Variants in PDE5A observed in about 807,000 individuals in gnomAD.
PDE5A encodes the protein cGMP-specific 3',5'-cyclic phosphodiesterase.
Under a neutral mutation model 110.2 loss-of-function variants are expected in PDE5A, and 67 were observed. That is an observed-to-expected ratio of 0.61 (90% confidence interval 0.50 to 0.75). The LOEUF (loss-of-function observed/expected upper bound fraction) is 0.75, where lower values mean the gene tolerates loss of function less well. PDE5A is among the 30% of genes least tolerant of loss of function. The probability of loss-of-function intolerance (pLI) is 0.00; values close to 1 mark genes in which losing one functional copy is unlikely to be tolerated. For synonymous variants in PDE5A, 328 were observed against 351.2 expected (o/e 0.93, Z 0.74); for missense variants, 862 against 1,045.1 (o/e 0.82, Z 2.42).
intron 9 of PDE5A, chr4:119,551,938 G>A (rs1578768113): frequency 1.3e-5 from 2 of 152,166 alleles, no homozygotes; most frequent in South Asian, 2.1e-4. Flanking sequence ...CATCAACCAC[G>A]GATGATTGGC....
At chr4:119,513,461 T>C (rs1285150868) in intron 14 of PDE5A, among the ~76,000 whole-genome samples, 1 of 152,138 alleles carries the variant, frequency 6.6e-6, no homozygotes, top group Non-Finnish European at 1.5e-5. Flanking sequence ...CCTGCTTCCT[T>C]CCCAGTTCTG....
chr4:119,564,178 TAATAAA>T (rs1429087058), intron 5 of PDE5A, among the ~76,000 whole-genome samples: 1 of 151,948 alleles, frequency 6.6e-6, no homozygotes, highest in African/African-American at 2.4e-5. Flanking sequence ...ATATTGTAGA[TAATAAA>T]TATAGCTACA....
chr4:119,626,466 T>A (rs1297030687), intron 1 of PDE5A, among the ~76,000 whole-genome samples: 1 of 152,180 alleles, frequency 6.6e-6, no homozygotes, highest in Non-Finnish European at 1.5e-5. Context: ...AACAATAACT[T>A]TTTTTCTTTA....
intron 9 of PDE5A, among the ~76,000 whole-genome samples, chr4:119,544,502 TCC>T (rs1425273146): frequency 3.9e-5 from 6 of 152,160 alleles, no homozygotes; most frequent in Non-Finnish European, 7.4e-5. Context: ...CCTTTGTGAA[TCC>T]CCAAAATATA....
In PDE5A at chr4:119,565,399, A is replaced by G. The variant is rs1371110897; in HGVS notation, c.915T>C (p.Ala305=). The stretch of plus-strand genomic sequence containing the variant: ...GAACAATACCACAAAATGCCAAATA[A>G]GCAGCAAAGTCCTAAAAAACAGATA... ...FTEKDEKDFA[A]YLAFCGIVLH... Residue 305 remains alanine (A), a synonymous_variant, in exon 5 of 21, where the codon GCT becomes GCC. Coordinates refer to ENST00000354960, the MANE Select transcript of PDE5A (RefSeq NM_001083.4). 4 of 1,610,848 alleles carry G rather than the reference A, an allele frequency of 2.5e-6. No homozygotes were observed. The highest frequency in any genetic ancestry group is 1.3e-5 in the African/African-American group (1 of 74,816).
At chr4:119,563,020 T>C (rs1278685725) in intron 5 of PDE5A, 50 bp from the exon 6 acceptor site, 1 of 1,459,972 alleles carries the variant, frequency 6.8e-7, no homozygotes, top group East Asian at 2.3e-5. Context: ...TTGTAATTAT[T>C]AAAGCACAAT....
At chr4:119,531,383 A>T (rs1287196653) in intron 11 of PDE5A, among the ~76,000 whole-genome samples, 1 of 152,050 alleles carries the variant, frequency 6.6e-6, no homozygotes, top group East Asian at 1.9e-4. Context: ...AGTTCAAGTG[A>T]TTCTCCTGCC....
chr4:119,627,232 C>A lies in PDE5A; in HGVS notation c.152+1288G>T, dbSNP rs200374346. 1 of 1,608,110 alleles carries A rather than the reference C, an allele frequency of 6.2e-7. No homozygotes were observed. Among genetic ancestry groups the A allele is most frequent in the Non-Finnish European group, 8.5e-7 (1 of 1,176,898 alleles). On this transcript the variant is annotated intron_variant, in intron 1 of 20. Coordinates refer to ENST00000354960, the MANE Select transcript of PDE5A (RefSeq NM_001083.4). The surrounding 1 kb of genome is among the most constrained non-coding windows in gnomAD (Gnocchi z 4.6). ...GCCGATCCTGGACTCCAGGAGGCTCCGTAGGGGCAACAACGCGCGCAGGTG... is the reference window on the plus strand; with the variant it reads ...GCCGATCCTGGACTCCAGGAGGCTCAGTAGGGGCAACAACGCGCGCAGGTG...
At chr4:119,549,117 T>C (rs969720957) in intron 9 of PDE5A, 3 of 152,114 alleles carry the variant, frequency 2.0e-5, no homozygotes, top group African/African-American at 7.2e-5. Context: ...CCCGAGTAAT[T>C]TATTAAATAA....
chr4:119,609,058 AGG>A (rs757835730), intron 1 of PDE5A, among the ~76,000 whole-genome samples: 3 of 152,032 alleles, frequency 2.0e-5, no homozygotes, highest in Non-Finnish European at 4.4e-5. Context: ...GCTACTTGGG[AGG>A]CTGAGGCAGG....
chr4:119,581,958 C>CT (rs1232795549), intron 3 of PDE5A, among the ~76,000 whole-genome samples: 2 of 152,194 alleles, frequency 1.3e-5, no homozygotes, highest in Non-Finnish European at 2.9e-5. Flanking sequence ...GGTGAAGGGT[C>CT]TTAACTTTGA....
chr4:119,594,157 A>G (rs950109969), intron 3 of PDE5A, among the ~76,000 whole-genome samples: 114 of 152,188 alleles, frequency 7.5e-4, no homozygotes, highest in African/African-American at 2.5e-3. Flanking sequence ...TATTTAATTT[A>G]AATCATCCTC....
At chr4:119,563,922 A>T (rs1304104377) in intron 5 of PDE5A, among the ~76,000 whole-genome samples, 1 of 152,140 alleles carries the variant, frequency 6.6e-6, no homozygotes, top group African/African-American at 2.4e-5. Context: ...AATAGAGGGT[A>T]GAGAAGATGA....
intron 9 of PDE5A, among the ~76,000 whole-genome samples, chr4:119,544,016 AAT>A: frequency 6.6e-6 from 1 of 152,292 alleles, no homozygotes; most frequent in Non-Finnish European, 1.5e-5. Context: ...GAACTAAAAA[AAT>A]GTTTTCCGAA....
intron 3 of PDE5A, among the ~76,000 whole-genome samples, chr4:119,568,142 CTT>C (rs143090270): frequency 6.8e-6 from 1 of 147,496 alleles, no homozygotes. Flanking sequence ...CTCTCTCTCT[CTT>C]TTTTTTTTGC....
chr4:119,526,879 A>C (rs1029440139), intron 11 of PDE5A, among the ~76,000 whole-genome samples: 1 of 152,132 alleles, frequency 6.6e-6, no homozygotes, highest in East Asian at 1.9e-4. Flanking sequence ...GAAAATATGC[A>C]TTCTGTTAAG....
intron 3 of PDE5A, among the ~76,000 whole-genome samples, chr4:119,585,169 G>A (rs928329293): frequency 5.3e-5 from 8 of 151,944 alleles, no homozygotes; most frequent in Non-Finnish European, 1.0e-4. Flanking sequence ...CAGCTATTCG[G>A]GAGGCTGAGG....
chr4:119,533,044 T>C (rs1726601956), intron 11 of PDE5A, among the ~76,000 whole-genome samples: 1 of 152,194 alleles, frequency 6.6e-6, no homozygotes, highest in Non-Finnish European at 1.5e-5. Context: ...GTAATGGAAC[T>C]TGGTCTTTCA....
intron 16 of PDE5A, among the ~76,000 whole-genome samples, chr4:119,506,225 G>A (rs1440523207): frequency 1.3e-5 from 2 of 151,756 alleles, no homozygotes; most frequent in African/African-American, 4.8e-5. Context: ...GAAACAGTAT[G>A]AGTTAAAAAT....
Sources: gnomAD v4.1 joint callset for allele counts (sites outside exome capture counted in the v4.1 genomes callset) on GRCh38, gnomAD v4.1.1 for gene constraint, Gnocchi (gnomAD v3.1) non-coding constraint, MANE v1.5 for transcripts, NCBI Gene and HGNC (gene_info 2026-07-23, HGNC 2026-07-21) for gene names.